The following ATG7 variants were observed in gnomAD, a reference collection of about 807,000 sequenced individuals.
The protein encoded by ATG7 is autophagy related 7, also known as ubiquitin-like modifier-activating enzyme ATG7.
A neutral mutation model predicts 82.4 loss-of-function variants in ATG7; 70 were observed. That is an observed-to-expected ratio of 0.85 (90% CI 0.70 to 1.04). The LOEUF (loss-of-function observed/expected upper bound fraction) is 1.04, where lower values mean the gene tolerates loss of function less well. ATG7 is among the 50% of genes least tolerant of loss of function. ATG7 has a pLI of 0.00. For synonymous variants in ATG7, 287 were observed against 313.0 expected (o/e 0.92, Z 0.88); for missense variants, 792 against 864.3 (o/e 0.92, Z 1.05).
At position 11,519,782 on chromosome 3, in the gene ATG7, C is replaced by G. The variant is rs538446597; in HGVS notation, c.2080-35029C>G. On this transcript the variant is annotated intron_variant, in intron 20 of 20. Transcript: ENST00000693202. ...TTCACAGTGTTATCCAGGATAATCT[C>G]GATCTCCTGACCTTGTGATCCGCCC... 8.6e-5 allele frequency among the ~76,000 whole-genome samples: 13 copies of G among 151,942 alleles called. No individual in the cohort carries two copies. The East Asian group carries it at 2.5e-3, about 29-fold the overall frequency.
intron 9 of ATG7, among the ~76,000 whole-genome samples, chr3:11,322,287 C>G (rs963222139): frequency 6.6e-6 from 1 of 152,106 alleles, no homozygotes; most frequent in Admixed American, 6.5e-5. Context: ...TTGAAAAATT[C>G]TAGTTGTGAC....
chr3:11,297,902 A>C (rs191528106), intron 3 of ATG7, among the ~76,000 whole-genome samples: 1 of 152,306 alleles, frequency 6.6e-6, no homozygotes, highest in East Asian at 1.9e-4. Context: ...TCGAAGAAGG[A>C]ATAACAGTAG....
intron 19 of ATG7, among the ~76,000 whole-genome samples, chr3:11,419,190 C>T (rs1300946816): frequency 1.3e-5 from 2 of 152,176 alleles, no homozygotes; most frequent in Non-Finnish European, 2.9e-5. Context: ...GTTTCCTCCC[C>T]TCTTTGAAAA....
chr3:11,432,143 T>C (rs1008380347), intron 20 of ATG7, among the ~76,000 whole-genome samples: 1 of 152,162 alleles, frequency 6.6e-6, no homozygotes, highest in African/African-American at 2.4e-5. Context: ...TGAATTGTTT[T>C]AGGTAGTGAT....
chr3:11,535,822 G>C (rs1174122366), intron 20 of ATG7, among the ~76,000 whole-genome samples: 12 of 152,214 alleles, frequency 7.9e-5, no homozygotes, highest in Admixed American at 7.8e-4. Flanking sequence ...GGACCTGCCA[G>C]CTTCGCACCC....
intron 7 of ATG7, 26 bp from the exon 8 acceptor site, chr3:11,313,278 T>TA: frequency 6.7e-7 from 1 of 1,482,154 alleles, no homozygotes; most frequent in East Asian, 2.3e-5. Context: ...GCTATTCTAA[T>TA]AACTTATTTA....
chr3:11,393,249 C>T (rs1162480360), intron 19 of ATG7, among the ~76,000 whole-genome samples: 5 of 152,108 alleles, frequency 3.3e-5, no homozygotes, highest in Admixed American at 6.6e-5. Context: ...TTGTTTTCAT[C>T]GGAAAAATTA....
intron 20 of ATG7, among the ~76,000 whole-genome samples, chr3:11,517,160 T>A (rs886723817): frequency 6.6e-6 from 1 of 151,288 alleles, no homozygotes; most frequent in East Asian, 2.0e-4. Flanking sequence ...CTGTATGACA[T>A]TCTAGAAAAG....
chr3:11,509,538 G>A (rs1020841212), intron 20 of ATG7, among the ~76,000 whole-genome samples: 12 of 152,062 alleles, frequency 7.9e-5, no homozygotes, highest in Admixed American at 6.5e-4. Context: ...TTTTATGAGC[G>A]TTTATAATGG....
At chr3:11,533,539 TAAAA>T (rs66794993) in intron 20 of ATG7, among the ~76,000 whole-genome samples, 2 of 126,674 alleles carry the variant, frequency 1.6e-5, no homozygotes, top group Non-Finnish European at 1.6e-5. Flanking sequence ...CCCCTTCTGT[TAAAA>T]AAAAAAAAAA....
chr3:11,555,083 A>G lies in ATG7; in HGVS notation c.*240A>G. 1 of 530,944 alleles carries G rather than the reference A, an allele frequency of 1.9e-6. No homozygotes were observed. Among genetic ancestry groups the G allele is most frequent in the South Asian group, 2.7e-5 (1 of 37,100 alleles). The allele number at this position is 530,944 out of a possible 1,614,324, so 32.9% of individuals were successfully genotyped here. ...GCCTTGGCCTTGCTATTGACCTGGGACTTGGTCCTCCATGCAGTTTTTATT... is the reference window on the plus strand; with the variant it reads ...GCCTTGGCCTTGCTATTGACCTGGGGCTTGGTCCTCCATGCAGTTTTTATT... On this transcript the variant is annotated 3_prime_UTR_variant, in exon 21 of 21. Coordinates refer to ENST00000693202, the MANE Select transcript of ATG7 (RefSeq NM_001349232.2).
At chr3:11,286,948 C>A (rs1260863064) in intron 3 of ATG7, among the ~76,000 whole-genome samples, 2 of 150,580 alleles carry the variant, frequency 1.3e-5, no homozygotes, top group Non-Finnish European at 3.0e-5. Flanking sequence ...TTAATTTTTT[C>A]TAGAAATGGT....
At chr3:11,340,994 C>T (rs1047965123) in intron 12 of ATG7, among the ~76,000 whole-genome samples, 1 of 152,212 alleles carries the variant, frequency 6.6e-6, no homozygotes, top group African/African-American at 2.4e-5. Context: ...AGACCACCAG[C>T]GTACCTGTAC....
chr3:11,574,679 G>A, the ATG7 span, among the ~76,000 whole-genome samples: 1 of 152,218 alleles, frequency 6.6e-6, no homozygotes, highest in South Asian at 2.1e-4. Context: ...AACGATTAAT[G>A]TTTGATGGAG....
chr3:11,564,009 C>CGGA, the ATG7 span, among the ~76,000 whole-genome samples: 1 of 152,136 alleles, frequency 6.6e-6, no homozygotes. Context: ...GCACAGAGCC[C>CGGA]GGAGGCACCC....
intron 18 of ATG7, among the ~76,000 whole-genome samples, chr3:11,367,725 A>G (rs2076720538): frequency 6.7e-6 from 1 of 149,788 alleles, no homozygotes; most frequent in Non-Finnish European, 1.5e-5. Context: ...AAAACCATAA[A>G]CCATTTCAGG....
At chr3:11,314,573 G>A (rs1372211632) in intron 8 of ATG7, among the ~76,000 whole-genome samples, 3 of 152,088 alleles carry the variant, frequency 2.0e-5, no homozygotes, top group East Asian at 1.9e-4. Context: ...TATTGCTGTG[G>A]TGCTTGCATA....
intron 18 of ATG7, 62 bp downstream of exon 18, chr3:11,364,796 C>G (rs566651523): frequency 3.8e-6 from 6 of 1,566,776 alleles, no homozygotes; most frequent in Admixed American, 3.3e-5. Flanking sequence ...TGTGGGGTCT[C>G]TTTGCCATTC....
At chr3:11,481,564 TAAC>T (rs939256347) in intron 20 of ATG7, among the ~76,000 whole-genome samples, 3 of 152,222 alleles carry the variant, frequency 2.0e-5, no homozygotes, top group African/African-American at 7.2e-5. Flanking sequence ...TTATCTAAGT[TAAC>T]AAATTATTAT....
Sources: gnomAD v4.1 joint callset for allele counts (sites outside exome capture counted in the v4.1 genomes callset) on GRCh38, gnomAD v4.1.1 for gene constraint, MANE v1.5 for transcripts, NCBI Gene and HGNC (gene_info 2026-07-23, HGNC 2026-07-21) for gene names.